The following LRRC56 variants were observed in gnomAD, a reference collection of about 807,000 sequenced individuals.
LRRC56 encodes the protein leucine-rich repeat-containing protein 56.
Under a neutral mutation model 47.8 loss-of-function variants are expected in LRRC56, and 41 were observed. The observed-to-expected ratio is 0.86, with a 90% CI of 0.67 to 1.11. LRRC56 has a LOEUF of 1.11. Ranked by LOEUF, LRRC56 falls within the 50% of genes most tolerant of loss-of-function variation. LRRC56 has a pLI of 0.00. For missense variants in LRRC56, 759 were observed against 704.2 expected (o/e 1.08, Z -0.88); for synonymous variants, 387 against 311.2 (o/e 1.24, Z -2.56).
In LRRC56 at chr11:551,754, TG is replaced by T. The variant is rs1278005871; in HGVS notation, c.905del (p.Gly302AlafsTer108). 6.2e-6 allele frequency: 10 copies of T among 1,610,912 alleles called. No individual in the cohort carries two copies. The African/African-American group carries it at 1.2e-4, about 19-fold the overall frequency. On this transcript the variant is annotated frameshift_variant, in exon 10 of 14. Coordinates refer to ENST00000270115, the MANE Select transcript of LRRC56 (RefSeq NM_198075.4). LOFTEE classifies it high-confidence loss of function. ...RPWPFSLLVR[G>X]GPLPEGLLSE... ...CCTGGCCCTTCTCCCTGCTGGTCCG[TG>T]GGGGCCCCCTGCCTGAAGGCCTGCT...
At chr11:546,097 C>T (rs1589810619) in intron 6 of LRRC56, among the ~76,000 whole-genome samples, 1 of 151,984 alleles carries the variant, frequency 6.6e-6, no homozygotes, top group Non-Finnish European at 1.5e-5. Context: ...ATGGAGAAAT[C>T]CCATCTCTAC....
Position 540,783 on chromosome 11 carries a change from ACAG to A in LRRC56, c.100_102del (p.Gln34del). 1 of 1,609,036 alleles carries A rather than the reference ACAG, an allele frequency of 6.2e-7. No individual in the cohort carries two copies. Among genetic ancestry groups the A allele is most frequent in the Non-Finnish European group, 8.5e-7 (1 of 1,178,430 alleles). On this transcript the variant is annotated inframe_deletion, in exon 4 of 14. Coordinates refer to ENST00000270115, the MANE Select transcript of LRRC56 (RefSeq NM_198075.4). ...GGCAAGGCCTGCACAACCCCTGCCC[ACAG>A]AGCAAGGGCCCTGGCAGTCAGAGGG...
At chr11:533,579 G>A (rs770260347), upstream of LRRC56, 3 of 1,613,868 alleles carry the variant, frequency 1.9e-6, no homozygotes, top group East Asian at 4.5e-5. Flanking sequence ...CCATGGGCAC[G>A]TCATCCGAGT....
the LRRC56 span, among the ~76,000 whole-genome samples, chr11:507,834 G>C: frequency 6.6e-6 from 1 of 152,236 alleles, no homozygotes; most frequent in Non-Finnish European, 1.5e-5. Flanking sequence ...TGCCGCCTTT[G>C]TTTCGTGGGA....
At chr11:533,326 CCCGGAG>C, upstream of LRRC56, 1 of 1,604,132 alleles carries the variant, frequency 6.2e-7, no homozygotes, top group Non-Finnish European at 8.5e-7. Context: ...CCCAGAGGGT[CCCGGAG>C]CTGGAGCTAG....
At chr11:507,503 G>T in the LRRC56 span, among the ~76,000 whole-genome samples, 2 of 152,278 alleles carry the variant, frequency 1.3e-5, no homozygotes, top group South Asian at 4.1e-4. Flanking sequence ...GCGCGTGTGC[G>T]TGTTGTGGGC....
chr11:549,884 A>C lies in LRRC56; in HGVS notation c.327-18A>C, dbSNP rs774816852. ...CAGGGCTGGGCACATGTTGACCACC[A>C]AACCCTGCCTTCTGCAGGGACTTGG... On this transcript the variant is annotated intron_variant, in intron 6 of 13. Coordinates refer to ENST00000270115, the MANE Select transcript of LRRC56 (RefSeq NM_198075.4). 4 of 1,610,510 alleles carry C rather than the reference A, an allele frequency of 2.5e-6. No individual in the cohort carries two copies. Among genetic ancestry groups the C allele is most frequent in the Non-Finnish European group, 3.4e-6 (4 of 1,178,096 alleles).
chr11:540,783 A>G lies in LRRC56; in HGVS notation c.99A>G (p.Pro33=), dbSNP rs761086104. The part of the protein sequence containing the change: ...LSWQGLHNPC[P]QSKGPGSQRD... ...GGCAAGGCCTGCACAACCCCTGCCC[A>G]CAGAGCAAGGGCCCTGGCAGTCAGA... Residue 33 remains proline (P), a synonymous_variant, in exon 4 of 14, where the codon CCA becomes CCG. Coordinates refer to ENST00000270115, the MANE Select transcript of LRRC56 (RefSeq NM_198075.4). 1.2e-6 allele frequency: 2 copies of G among 1,608,920 alleles called. No homozygotes were observed. The highest frequency in any genetic ancestry group is 2.2e-5 in the East Asian group (1 of 44,798).
upstream of LRRC56, chr11:534,597 G>A (rs1589794377): frequency 1.8e-6 from 1 of 555,464 alleles, no homozygotes. Flanking sequence ...ATGGGAAAAG[G>A]GACCCAGCCC....
At chr11:512,353 C>T in the LRRC56 span, among the ~76,000 whole-genome samples, 1 of 152,138 alleles carries the variant, frequency 6.6e-6, no homozygotes, top group Non-Finnish European at 1.5e-5. Context: ...TCCGCCTCGG[C>T]CTCCTGAGTA....
intron 13 of LRRC56, among the ~76,000 whole-genome samples, chr11:553,007 AAAG>A (rs1043515362): frequency 2.6e-5 from 4 of 152,176 alleles, no homozygotes; most frequent in African/African-American, 9.7e-5. Flanking sequence ...GTCGGGACAG[AAAG>A]AAGGAGCCAC....
chr11:530,494 G>C, the LRRC56 span, among the ~76,000 whole-genome samples: 8,282 of 95,142 alleles, frequency 0.087, 507 homozygotes, highest in African/African-American at 0.14. Context: ...GTCCCCTGGA[G>C]AGAAGGGCGA....
At chr11:527,692 C>T in the LRRC56 span, among the ~76,000 whole-genome samples, 41 of 145,200 alleles carry the variant, frequency 2.8e-4, no homozygotes, top group Non-Finnish European at 4.3e-4. Context: ...CCACCACGCC[C>T]GGCTAATTTT....
chr11:525,357 G>A, the LRRC56 span, among the ~76,000 whole-genome samples: 3 of 152,128 alleles, frequency 2.0e-5, no homozygotes, highest in East Asian at 1.9e-4. Flanking sequence ...GGCTAACACG[G>A]TGAAGCCCCA....
intron 3 of LRRC56, among the ~76,000 whole-genome samples, chr11:540,222 A>G (rs1020042477): frequency 2.0e-5 from 3 of 152,086 alleles, no homozygotes; most frequent in Non-Finnish European, 4.4e-5. Context: ...CTGGGACTTG[A>G]TCCTGGACCC....
At chr11:526,169 T>G in the LRRC56 span, among the ~76,000 whole-genome samples, 1 of 150,662 alleles carries the variant, frequency 6.6e-6, no homozygotes, top group African/African-American at 2.4e-5. Flanking sequence ...ATCGCACCAC[T>G]GCACTCCAGC....
At chr11:533,795 G>A (rs1851272766), upstream of LRRC56, 2 of 1,613,366 alleles carry the variant, frequency 1.2e-6, no homozygotes, top group Admixed American at 1.7e-5. Flanking sequence ...CAAAAGACTT[G>A]GTGTTGTTGA....
chr11:532,338 T>G, the LRRC56 span: 11 of 518,170 alleles, frequency 2.1e-5, no homozygotes, highest in East Asian at 3.3e-5. Context: ...TCCGGTGGCA[T>G]TTGGGATGTT....
the LRRC56 span, among the ~76,000 whole-genome samples, chr11:526,950 A>G: frequency 2.0e-5 from 3 of 151,768 alleles, no homozygotes; most frequent in South Asian, 4.2e-4. Flanking sequence ...AAAGAAAAAA[A>G]AAGAAATATT....
Sources: gnomAD v4.1 joint callset for allele counts (sites outside exome capture counted in the v4.1 genomes callset) on GRCh38, gnomAD v4.1.1 for gene constraint, MANE v1.5 for transcripts, NCBI Gene and HGNC (gene_info 2026-07-23, HGNC 2026-07-21) for gene names.